CRPPA: variants seen among roughly 807,000 people sequenced by gnomAD.
The protein encoded by CRPPA is CDP-L-ribitol pyrophosphorylase A, also known as D-ribitol-5-phosphate cytidylyltransferase.
A neutral mutation model predicts 52.0 loss-of-function variants in CRPPA; 43 were observed. That is an observed-to-expected ratio of 0.83 (90% confidence interval 0.65 to 1.07). CRPPA has a LOEUF of 1.07. Ranked by LOEUF, CRPPA falls within the 50% of genes least tolerant of loss-of-function variation. The pLI, the probability that CRPPA is intolerant of heterozygous loss-of-function variation, is 0.00. For missense variants in CRPPA, 629 were observed against 551.7 expected, an observed-to-expected ratio of 1.14 and a Z score of -1.40; for synonymous variants, 250 against 203.5, an observed-to-expected ratio of 1.23 and a Z score of -1.94.
chr7:16,247,717 A>T (rs1562583327), intron 8 of CRPPA, among the ~76,000 whole-genome samples: 1 of 152,218 alleles, frequency 6.6e-6, no homozygotes, highest in Non-Finnish European at 1.5e-5. Context: ...ATGTATCTTC[A>T]GAGTGAAATA....
chr7:16,201,071 TA>T (rs1170180819), intron 9 of CRPPA, among the ~76,000 whole-genome samples: 21 of 152,234 alleles, frequency 1.4e-4, no homozygotes, highest in Admixed American at 2.6e-4. Flanking sequence ...GAAAATAAAT[TA>T]AAACAATAGT....
intron 2 of CRPPA, among the ~76,000 whole-genome samples, chr7:16,385,994 C>T (rs911267402): frequency 7.2e-5 from 11 of 152,200 alleles, no homozygotes; most frequent in African/African-American, 2.2e-4. Context: ...TTAGCTCTGC[C>T]GTCCACAGAC....
At chr7:16,280,984 C>T (rs143313787) in intron 5 of CRPPA, among the ~76,000 whole-genome samples, 1 of 152,276 alleles carries the variant, frequency 6.6e-6, no homozygotes, top group Non-Finnish European at 1.5e-5. Flanking sequence ...CACGCCACTA[C>T]ACTCCAGCCT....
intron 9 of CRPPA, among the ~76,000 whole-genome samples, chr7:16,184,602 C>A (rs1260726323): frequency 6.6e-6 from 1 of 152,002 alleles, no homozygotes; most frequent in African/African-American, 2.4e-5. Context: ...GCAGAGACAC[C>A]CCAGGGCAAT....
intron 2 of CRPPA, among the ~76,000 whole-genome samples, chr7:16,392,789 C>G (rs922646557): frequency 3.3e-5 from 5 of 152,046 alleles, no homozygotes; most frequent in Admixed American, 6.6e-5. Flanking sequence ...TAAATAAAAA[C>G]TTGAACACCC....
At chr7:16,132,350 G>C (rs1180720484) in intron 9 of CRPPA, among the ~76,000 whole-genome samples, 1 of 124,768 alleles carries the variant, frequency 8.0e-6, no homozygotes, top group African/African-American at 2.6e-5. Context: ...TTTGCCTCAG[G>C]AGACCTTGAC....
intron 9 of CRPPA, among the ~76,000 whole-genome samples, chr7:16,137,224 T>C (rs1339891713): frequency 1.3e-5 from 2 of 152,230 alleles, no homozygotes; most frequent in East Asian, 3.9e-4. Context: ...TTATCTTCCA[T>C]GTGAGTAAAT....
intron 8 of CRPPA, among the ~76,000 whole-genome samples, chr7:16,246,442 C>T (rs1416502043): frequency 1.3e-5 from 2 of 152,138 alleles, no homozygotes; most frequent in Admixed American, 6.6e-5. Flanking sequence ...CCATGAATCA[C>T]GAATGTTCCT....
intron 9 of CRPPA, among the ~76,000 whole-genome samples, chr7:16,139,976 A>G (rs1391567274): frequency 6.6e-6 from 1 of 152,058 alleles, no homozygotes; most frequent in African/African-American, 2.4e-5. Context: ...ACATAATTAA[A>G]TTTAAGATTA....
intron 9 of CRPPA, among the ~76,000 whole-genome samples, chr7:16,139,703 T>G (rs982498672): frequency 6.6e-6 from 1 of 152,144 alleles, no homozygotes; most frequent in Non-Finnish European, 1.5e-5. Flanking sequence ...GCCTGGTATA[T>G]AGTAAACCCA....
At chr7:16,116,675 A>AGGAAAAGAAAGGGAAGGGAAG (rs1782380816) in intron 9 of CRPPA, among the ~76,000 whole-genome samples, 1 of 96,620 alleles carries the variant, frequency 1.0e-5, no homozygotes, top group Non-Finnish European at 2.1e-5. Context: ...AAAAAAAAAA[A>AGGAAAAGAAAGGGAAGGGAAG]GGAAAGGAAA....
intron 9 of CRPPA, among the ~76,000 whole-genome samples, chr7:16,096,242 C>T (rs1237030947): frequency 1.3e-5 from 2 of 151,384 alleles, no homozygotes; most frequent in Non-Finnish European, 1.5e-5. Flanking sequence ...TATCAAATAT[C>T]ACTAGATAGG....
rs567855323 is a variant in CRPPA, at chr7:16,333,199, A to G, written c.685-24572T>C. Among the ~76,000 whole-genome samples the G allele has an allele frequency of 4.6e-5, 7 of 152,294 alleles. No individual in the cohort carries two copies. In the South Asian group the frequency reaches 1.5e-3, roughly 32 times the overall value. The stretch of plus-strand genomic sequence containing the variant: ...AAACCTTTCTATCAGAAATGGACAT[A>G]CTCAATGCAAATACACACAAAACAA... On this transcript the variant is annotated intron_variant, in intron 3 of 9. Coordinates refer to ENST00000407010, the MANE Select transcript of CRPPA (RefSeq NM_001101426.4).
At chr7:16,372,835 G>A (rs759919656) in intron 3 of CRPPA, among the ~76,000 whole-genome samples, 1 of 152,166 alleles carries the variant, frequency 6.6e-6, no homozygotes, top group Non-Finnish European at 1.5e-5. Flanking sequence ...AGGTAAAGAG[G>A]TGGAAAAATA....
intron 8 of CRPPA, among the ~76,000 whole-genome samples, chr7:16,225,371 A>G (rs1378061862): frequency 6.6e-6 from 1 of 152,028 alleles, no homozygotes; most frequent in Non-Finnish European, 1.5e-5. Flanking sequence ...ATTATGGCAC[A>G]ATTATCTCAA....
intron 3 of CRPPA, among the ~76,000 whole-genome samples, chr7:16,354,203 CT>C (rs1475745229): frequency 1.3e-5 from 2 of 152,042 alleles, no homozygotes; most frequent in African/African-American, 4.8e-5. Flanking sequence ...AAGAATGTTC[CT>C]TTTATCAAAA....
At chr7:16,399,694 C>T (rs1045294352) in intron 2 of CRPPA, among the ~76,000 whole-genome samples, 2 of 151,908 alleles carry the variant, frequency 1.3e-5, no homozygotes, top group Admixed American at 6.5e-5. Flanking sequence ...GACACGTGAG[C>T]AACACGTGAC....
At chr7:16,141,423 T>C (rs1412079637) in intron 9 of CRPPA, among the ~76,000 whole-genome samples, 3 of 152,266 alleles carry the variant, frequency 2.0e-5, no homozygotes, top group African/African-American at 7.2e-5. Context: ...AACTAAAAAA[T>C]AGATCCTAAT....
intron 2 of CRPPA, among the ~76,000 whole-genome samples, chr7:16,398,069 C>T (rs1185631151): frequency 6.6e-6 from 1 of 152,216 alleles, no homozygotes; most frequent in African/African-American, 2.4e-5. Flanking sequence ...ATGACCAGGG[C>T]ATGATTGACA....
Sources: allele counts gnomAD v4.1 joint callset (sites outside exome capture counted in the v4.1 genomes callset), GRCh38; gene constraint gnomAD v4.1.1; transcripts MANE v1.5; gene names NCBI Gene and HGNC (gene_info 2026-07-23, HGNC 2026-07-21).